ZNF385D: variants seen among roughly 807,000 people sequenced by gnomAD.
The protein encoded by ZNF385D is zinc finger protein 385D, also known as zinc finger protein 659.
In ZNF385D, 15 loss-of-function variants were observed where a neutral mutation model predicts 35.8. That is an observed-to-expected ratio of 0.42 (90% CI 0.28 to 0.64). The LOEUF (loss-of-function observed/expected upper bound fraction) is 0.64. Among genes scored for constraint, ZNF385D ranks in the 30% least tolerant of loss-of-function variants. ZNF385D has a pLI of 0.23. For synonymous variants in ZNF385D, 212 were observed against 186.8 expected (o/e 1.13, Z -1.10); for missense variants, 474 against 494.6 (o/e 0.96, Z 0.39).
At position 21,848,065 on chromosome 3, in the gene ZNF385D, G is replaced by C. The variant is rs559880076; in HGVS notation, c.326-183037C>G. On this transcript the variant is annotated intron_variant, in intron 3 of 5. Transcript: ENST00000494108. ...GTGACTATTTAAATACCTTATATAA[G>C]TGAATTATTCAGTCCCACTGTGACT... is the stretch of plus-strand genomic sequence containing the variant. 1.3e-4 allele frequency among the ~76,000 whole-genome samples: 20 copies of C among 152,034 alleles called. 1 individual carries two copies. The East Asian group carries it at 3.3e-3, about 25-fold the overall frequency.
chr3:21,973,287 T>G (rs1407175173), intron 3 of ZNF385D, among the ~76,000 whole-genome samples: 1 of 151,924 alleles, frequency 6.6e-6, no homozygotes, highest in East Asian at 1.9e-4. Context: ...CAATGTGATA[T>G]CTTATATCAG....
intron 3 of ZNF385D, among the ~76,000 whole-genome samples, chr3:21,868,233 C>T (rs668561): frequency 0.11 from 17,056 of 152,072 alleles, 1,203 homozygotes; most frequent in Middle Eastern, 0.16. Context: ...CTGAAAGCAT[C>T]CATAGACAAT....
chr3:22,017,588 T>G (rs1457639967), intron 3 of ZNF385D, among the ~76,000 whole-genome samples: 1 of 147,728 alleles, frequency 6.8e-6, no homozygotes, highest in Non-Finnish European at 1.5e-5. Flanking sequence ...CCTTATTCTC[T>G]TTTATCAATT....
At chr3:21,491,929 A>G (rs537397097) in intron 4 of ZNF385D, among the ~76,000 whole-genome samples, 14 of 152,136 alleles carry the variant, frequency 9.2e-5, no homozygotes, top group Non-Finnish European at 1.8e-4. Flanking sequence ...CACTAAAGGT[A>G]AAGCTACACA....
rs567529846 is a variant in ZNF385D at position 21,915,768 on chromosome 3, T to C, written c.326-250740A>G. ...GGAAATCAAGGACTTATTTAGAAATTAGTCAAAAAGCAAAGACACCTCATA... is the reference window on the plus strand; with the variant it reads ...GGAAATCAAGGACTTATTTAGAAATCAGTCAAAAAGCAAAGACACCTCATA... On this transcript the variant is annotated intron_variant, in intron 3 of 5. Transcript: ENST00000494108. 1.7e-4 allele frequency among the ~76,000 whole-genome samples: 26 copies of C among 152,206 alleles called. No homozygotes were observed. The East Asian group carries it at 5.0e-3, about 29-fold the overall frequency.
At chr3:21,599,129 C>T (rs2064207809) in intron 2 of ZNF385D, among the ~76,000 whole-genome samples, 1 of 152,182 alleles carries the variant, frequency 6.6e-6, no homozygotes, top group Admixed American at 6.5e-5. Context: ...AATGCCGTTT[C>T]TCATTGCAGA....
chr3:21,864,121 T>A (rs987499888), intron 3 of ZNF385D, among the ~76,000 whole-genome samples: 1 of 152,120 alleles, frequency 6.6e-6, no homozygotes, highest in Non-Finnish European at 1.5e-5. Context: ...TGTTTTTGTG[T>A]GTACATGCAT....
intron 2 of ZNF385D, among the ~76,000 whole-genome samples, chr3:22,294,831 C>G (rs1366325208): frequency 1.3e-5 from 2 of 152,090 alleles, no homozygotes; most frequent in Non-Finnish European, 2.9e-5. Context: ...AACAAAGTTA[C>G]TAAATTGTAA....
chr3:21,847,053 G>A (rs1167203289), intron 3 of ZNF385D, among the ~76,000 whole-genome samples: 4 of 151,950 alleles, frequency 2.6e-5, no homozygotes, highest in African/African-American at 9.7e-5. Context: ...GCTTCAACCT[G>A]AACTTTTTCA....
intron 4 of ZNF385D, among the ~76,000 whole-genome samples, chr3:21,496,786 A>G (rs1336223584): frequency 3.3e-5 from 5 of 152,008 alleles, no homozygotes; most frequent in African/African-American, 1.2e-4. Context: ...CATAAAGAGA[A>G]CAAAGACAAA....
chr3:22,020,635 G>A (rs1265036082), intron 3 of ZNF385D, among the ~76,000 whole-genome samples: 2 of 151,986 alleles, frequency 1.3e-5, no homozygotes, highest in Admixed American at 1.3e-4. Flanking sequence ...ACAGATATTG[G>A]TGAGGATGCC....
At chr3:21,734,627 G>T (rs1206279626) in intron 1 of ZNF385D, among the ~76,000 whole-genome samples, 1 of 152,100 alleles carries the variant, frequency 6.6e-6, no homozygotes, top group African/African-American at 2.4e-5. Context: ...TGCAGGGCTG[G>T]ACCTCAGGAT....
At chr3:22,006,017 A>G (rs961333103) in intron 3 of ZNF385D, among the ~76,000 whole-genome samples, 1 of 151,908 alleles carries the variant, frequency 6.6e-6, no homozygotes, top group Non-Finnish European at 1.5e-5. Context: ...TTGAGCTTTG[A>G]CTATAAATGT....
chr3:21,602,309 G>A (rs1015209388), intron 2 of ZNF385D, among the ~76,000 whole-genome samples: 27 of 151,894 alleles, frequency 1.8e-4, no homozygotes, highest in Admixed American at 3.9e-4. Flanking sequence ...ATCAGAACGT[G>A]ACTATCTTTT....
upstream of ZNF385D, among the ~76,000 whole-genome samples, chr3:21,754,492 T>C (rs186648713): frequency 1.3e-4 from 20 of 152,328 alleles, no homozygotes; most frequent in African/African-American, 3.4e-4. Flanking sequence ...ATATTTTGTA[T>C]TAAAATATCA....
intron 2 of ZNF385D, among the ~76,000 whole-genome samples, chr3:22,305,469 G>T (rs1352664829): frequency 6.6e-6 from 1 of 152,156 alleles, no homozygotes; most frequent in Non-Finnish European, 1.5e-5. Flanking sequence ...TTGACTTCTT[G>T]CTCCTAACTC....
chr3:21,460,352 A>T (rs1460237367), intron 4 of ZNF385D, among the ~76,000 whole-genome samples: 2 of 152,178 alleles, frequency 1.3e-5, no homozygotes, highest in Admixed American at 1.3e-4. Flanking sequence ...TATTTCATAG[A>T]CACCAGATCG....
At chr3:21,615,645 T>G (rs548214769) in intron 2 of ZNF385D, among the ~76,000 whole-genome samples, 1 of 152,300 alleles carries the variant, frequency 6.6e-6, no homozygotes, top group African/African-American at 2.4e-5. Context: ...CACTAGAGTT[T>G]TATTGTTTTT....
At chr3:21,752,362 A>C (rs1473154809), upstream of ZNF385D, among the ~76,000 whole-genome samples, 1 of 152,240 alleles carries the variant, frequency 6.6e-6, no homozygotes, top group African/African-American at 2.4e-5. Flanking sequence ...GGAAGAATGC[A>C]ATTGATATAT....
Sources: gnomAD v4.1 joint callset for allele counts (sites outside exome capture counted in the v4.1 genomes callset) on GRCh38, gnomAD v4.1.1 for gene constraint, MANE v1.5 for transcripts, NCBI Gene and HGNC (gene_info 2026-07-23, HGNC 2026-07-21) for gene names.